Variants in NAALADL2 observed in about 807,000 individuals in gnomAD.
The protein encoded by NAALADL2 is inactive N-acetylated-alpha-linked acidic dipeptidase-like protein 2.
Under a neutral mutation model 87.2 loss-of-function variants are expected in NAALADL2, and 76 were observed. The ratio of observed to expected loss-of-function variants is 0.87; its 90% CI spans 0.72 to 1.05. NAALADL2 has a LOEUF of 1.05. Ranked by LOEUF, NAALADL2 falls within the 50% of genes least tolerant of loss-of-function variation. The pLI is 0.00. For missense variants in NAALADL2, 1,089 were observed against 945.8 expected (o/e 1.15, Z -1.99); for synonymous variants, 354 against 331.0 (o/e 1.07, Z -0.75).
At chr3:175,184,916 C>T (rs761737941) in intron 2 of NAALADL2, among the ~76,000 whole-genome samples, 1 of 152,058 alleles carries the variant, frequency 6.6e-6, no homozygotes, top group Non-Finnish European at 1.5e-5. Flanking sequence ...AATTGCCCCA[C>T]CACAAATAAT....
chr3:175,514,261 G>A (rs904656627), intron 9 of NAALADL2, among the ~76,000 whole-genome samples: 6 of 151,916 alleles, frequency 3.9e-5, no homozygotes, highest in Non-Finnish European at 8.8e-5. Flanking sequence ...CATTACTTGT[G>A]GATTTAAATG....
At chr3:175,270,351 G>A (rs1308898317) in intron 4 of NAALADL2, among the ~76,000 whole-genome samples, 2 of 152,114 alleles carry the variant, frequency 1.3e-5, no homozygotes. Context: ...TGCAGAGTAT[G>A]GTAAAAATCA....
intron 11 of NAALADL2, among the ~76,000 whole-genome samples, chr3:175,646,266 A>T (rs1729988279): frequency 6.6e-6 from 1 of 151,998 alleles, no homozygotes; most frequent in African/African-American, 2.4e-5. Flanking sequence ...GTGACATTTT[A>T]CTTTTAAATA....
At chr3:175,146,083 C>T (rs1455056783) in intron 2 of NAALADL2, among the ~76,000 whole-genome samples, 5 of 152,026 alleles carry the variant, frequency 3.3e-5, no homozygotes, top group African/African-American at 4.8e-5. Flanking sequence ...AAGTAAGATT[C>T]GTGATTCTTA....
At chr3:175,573,924 G>A (rs566110441) in intron 9 of NAALADL2, among the ~76,000 whole-genome samples, 1 of 152,226 alleles carries the variant, frequency 6.6e-6, no homozygotes, top group South Asian at 2.1e-4. Context: ...AGCCAAAATA[G>A]TTGTAAACAC....
At chr3:175,071,796 TAGCAAATTTGA>T (rs1715695019) in intron 1 of NAALADL2, among the ~76,000 whole-genome samples, 1 of 151,980 alleles carries the variant, frequency 6.6e-6, no homozygotes, top group African/African-American at 2.4e-5. Context: ...AAAAAAATTG[TAGCAAATTTGA>T]GCAATGAAAA....
chr3:175,703,135 C>G (rs1739211114), intron 11 of NAALADL2, among the ~76,000 whole-genome samples: 1 of 152,152 alleles, frequency 6.6e-6, no homozygotes, highest in African/African-American at 2.4e-5. Context: ...ACAATTAAAA[C>G]TCACTGGCAC....
chr3:175,371,997 A>G (rs56074522), intron 5 of NAALADL2, among the ~76,000 whole-genome samples: 1 of 152,152 alleles, frequency 6.6e-6, no homozygotes, highest in African/African-American at 2.4e-5. Context: ...CCTTAGGGCA[A>G]ATTCCTACCA....
chr3:175,497,243 C>G (rs928188895), intron 9 of NAALADL2, among the ~76,000 whole-genome samples: 1 of 152,024 alleles, frequency 6.6e-6, no homozygotes, highest in African/African-American at 2.4e-5. Flanking sequence ...AACTGGCTAT[C>G]AGACAGCTGG....
intron 3 of NAALADL2, among the ~76,000 whole-genome samples, chr3:174,838,952 C>T (rs1723690439): frequency 6.6e-6 from 1 of 151,976 alleles, no homozygotes; most frequent in East Asian, 1.9e-4. Flanking sequence ...AATGCTATGC[C>T]CATCAACACC....
intron 13 of NAALADL2, among the ~76,000 whole-genome samples, chr3:175,800,009 G>T (rs1170005414): frequency 3.3e-5 from 5 of 152,154 alleles, no homozygotes; most frequent in South Asian, 2.1e-4. Context: ...ACTGGATGAT[G>T]AATCAATTTT....
chr3:175,483,995 T>G (rs1054443001), intron 9 of NAALADL2, among the ~76,000 whole-genome samples: 3 of 152,030 alleles, frequency 2.0e-5, no homozygotes, highest in African/African-American at 7.2e-5. Flanking sequence ...CAACTGAATC[T>G]CTTAGTCAAA....
At chr3:174,633,262 A>C (rs1722325163) in intron 2 of NAALADL2, among the ~76,000 whole-genome samples, 1 of 152,198 alleles carries the variant, frequency 6.6e-6, no homozygotes, top group Admixed American at 6.5e-5. Context: ...GAAACTTAAA[A>C]ATATAATTAT....
At chr3:175,363,871 G>T (rs971079204) in intron 5 of NAALADL2, among the ~76,000 whole-genome samples, 1 of 147,764 alleles carries the variant, frequency 6.8e-6, no homozygotes, top group Admixed American at 6.9e-5. Context: ...ACTGATATTG[G>T]GAAATAATGC....
chr3:175,708,540 T>A (rs1363203609), intron 11 of NAALADL2, among the ~76,000 whole-genome samples: 6 of 151,834 alleles, frequency 4.0e-5, no homozygotes, highest in African/African-American at 1.4e-4. Context: ...ACTGCCGAGT[T>A]GTCAGTATGA....
chr3:174,983,433 A>T lies in NAALADL2; in HGVS notation c.44-113357A>T, dbSNP rs549346646. 2.6e-5 allele frequency among the ~76,000 whole-genome samples: 4 copies of T among 152,302 alleles called. No homozygotes were observed. The South Asian group carries it at 8.3e-4, about 32-fold the overall frequency. ...ATGAGCTTTGGCTTGGTTGTATCTT[A>T]GTCCCAATGGGCTGCTATAACAAAA... On this transcript the variant is annotated intron_variant, in intron 1 of 13. Transcript: ENST00000454872.
chr3:175,606,136 C>T (rs192818380), intron 10 of NAALADL2, among the ~76,000 whole-genome samples: 3 of 152,312 alleles, frequency 2.0e-5, no homozygotes, highest in Admixed American at 2.0e-4. Context: ...AGCCTTGTGT[C>T]TCCAGAGGTT....
At chr3:174,655,676 T>G (rs1037965735) in intron 2 of NAALADL2, among the ~76,000 whole-genome samples, 5 of 152,060 alleles carry the variant, frequency 3.3e-5, no homozygotes, top group Non-Finnish European at 7.4e-5. Context: ...AAATTAACTA[T>G]AATATAACAT....
chr3:175,241,798 T>TC (rs1746936884), intron 3 of NAALADL2, among the ~76,000 whole-genome samples: 1 of 151,552 alleles, frequency 6.6e-6, no homozygotes, highest in African/African-American at 2.4e-5. Context: ...GTTTTCATTT[T>TC]CCCCACTTGA....
Sources: allele counts gnomAD v4.1 joint callset (sites outside exome capture counted in the v4.1 genomes callset), GRCh38; gene constraint gnomAD v4.1.1; transcripts MANE v1.5; gene names NCBI Gene and HGNC (gene_info 2026-07-23, HGNC 2026-07-21).